The following TRPM3 variants were observed in gnomAD, a reference collection of about 807,000 sequenced individuals.
The protein encoded by TRPM3 is transient receptor potential cation channel subfamily M member 3.
TRPM3 carries 77 observed loss-of-function variants against 181.2 expected under a neutral mutation model. The observed-to-expected ratio is 0.42, with a 90% CI of 0.35 to 0.51. The LOEUF is 0.51. Among genes scored for constraint, TRPM3 ranks in the 20% least tolerant of loss-of-function variants. The pLI is 0.01. For missense variants in TRPM3, 1,759 were observed against 2,196.7 expected (o/e 0.80, Z 3.98); for synonymous variants, 745 against 796.4 (o/e 0.94, Z 1.09).
chr9:70,546,244 T>G (rs1308364786), intron 25 of TRPM3, among the ~76,000 whole-genome samples: 2 of 152,198 alleles, frequency 1.3e-5, no homozygotes, highest in Admixed American at 6.5e-5. Flanking sequence ...AAAGTATGGT[T>G]CCCAGACAAG....
intron 8 of TRPM3, among the ~76,000 whole-genome samples, chr9:70,757,357 A>G (rs2077263476): frequency 6.6e-6 from 1 of 152,232 alleles, no homozygotes; most frequent in Non-Finnish European, 1.5e-5. Flanking sequence ...CTACCAACCA[A>G]TAAAAGCCCA....
At chr9:70,974,398 G>T (rs988409456) in intron 1 of TRPM3, among the ~76,000 whole-genome samples, 1 of 114,808 alleles carries the variant, frequency 8.7e-6, no homozygotes, top group Non-Finnish European at 1.9e-5. Context: ...AATTAGCCGC[G>T]CGTGGTGGCG....
At chr9:71,272,226 A>G (rs139006895) in intron 1 of TRPM3, among the ~76,000 whole-genome samples, 35 of 152,336 alleles carry the variant, frequency 2.3e-4, no homozygotes, top group Admixed American at 1.2e-3. Context: ...TAAGACATCA[A>G]GAAAATAGAA....
intron 1 of TRPM3, among the ~76,000 whole-genome samples, chr9:71,420,795 GAA>G (rs1491579085): frequency 3.5e-3 from 45 of 12,822 alleles, no homozygotes; most frequent in Non-Finnish European, 5.3e-3. Context: ...GAAAGAGAGA[GAA>G]AGAAAGAGAG....
chr9:70,678,351 A>G (rs991053457), intron 9 of TRPM3, among the ~76,000 whole-genome samples: 1 of 151,954 alleles, frequency 6.6e-6, no homozygotes, highest in Non-Finnish European at 1.5e-5. Context: ...CACTGCAGCC[A>G]TAACCTCCTG....
intron 1 of TRPM3, among the ~76,000 whole-genome samples, chr9:70,960,680 G>A (rs557322687): frequency 6.6e-6 from 1 of 152,280 alleles, no homozygotes; most frequent in Non-Finnish European, 1.5e-5. Flanking sequence ...GTATTTACAA[G>A]CATAGCATGG....
intron 1 of TRPM3, among the ~76,000 whole-genome samples, chr9:71,185,670 T>C (rs1018047865): frequency 1.3e-5 from 2 of 152,060 alleles, no homozygotes; most frequent in African/African-American, 2.4e-5. Flanking sequence ...GTGCTATGTG[T>C]TTTATGTGTA....
At chr9:71,151,502 C>T (rs2075733437) in intron 1 of TRPM3, among the ~76,000 whole-genome samples, 6 of 151,906 alleles carry the variant, frequency 3.9e-5, no homozygotes, top group Admixed American at 3.9e-4. Context: ...TCTTGCACTC[C>T]TGGTGGGAAT....
chr9:71,398,934 T>C (rs1348769757), intron 1 of TRPM3, among the ~76,000 whole-genome samples: 2 of 152,180 alleles, frequency 1.3e-5, no homozygotes, highest in Non-Finnish European at 1.5e-5. Flanking sequence ...ATGAAAATTC[T>C]TTTTCATCTA....
At chr9:70,614,740 C>A (rs1463307608) in intron 18 of TRPM3, among the ~76,000 whole-genome samples, 1 of 152,148 alleles carries the variant, frequency 6.6e-6, no homozygotes, top group Non-Finnish European at 1.5e-5. Flanking sequence ...CAAGGTCACA[C>A]AGCAAGTAGG....
At chr9:70,639,220 C>T (rs377704611) in intron 10 of TRPM3, 26 bp from the exon 11 acceptor site, 26 of 1,612,318 alleles carry the variant, frequency 1.6e-5, no homozygotes, top group Non-Finnish European at 2.2e-5. Context: ...CTGAGTTAGT[C>T]TGCCCCAGGG....
intron 25 of TRPM3, among the ~76,000 whole-genome samples, chr9:70,538,599 T>C (rs976724954): frequency 6.6e-5 from 10 of 151,704 alleles, no homozygotes; most frequent in Admixed American, 3.3e-4. Context: ...AGCTGTTTTT[T>C]AAATTTTTTG....
chr9:70,538,259 C>T (rs2042291306), intron 25 of TRPM3, among the ~76,000 whole-genome samples: 1 of 152,168 alleles, frequency 6.6e-6, no homozygotes, highest in Non-Finnish European at 1.5e-5. Flanking sequence ...ACTCTCTATC[C>T]TCCCATTGGA....
intron 1 of TRPM3, among the ~76,000 whole-genome samples, chr9:71,000,905 A>G (rs2097592213): frequency 1.3e-5 from 2 of 152,224 alleles, no homozygotes; most frequent in South Asian, 2.1e-4. Flanking sequence ...GAAGGAACTG[A>G]TATTAGTCTG....
chr9:70,887,206 A>T (rs1216937951), intron 1 of TRPM3, among the ~76,000 whole-genome samples: 1 of 152,156 alleles, frequency 6.6e-6, no homozygotes, highest in Non-Finnish European at 1.5e-5. Flanking sequence ...AGTTCCAGCC[A>T]TCTAGTTTAG....
intron 3 of TRPM3, 95 bp downstream of exon 3, chr9:70,862,813 G>A: frequency 7.9e-7 from 1 of 1,272,138 alleles, no homozygotes. Flanking sequence ...GTGGAGATTA[G>A]GCCCAAAGAC....
chr9:71,378,431 T>C (rs1007143669), intron 1 of TRPM3, among the ~76,000 whole-genome samples: 4 of 152,128 alleles, frequency 2.6e-5, no homozygotes, highest in African/African-American at 4.8e-5. Context: ...TCAACTGTCA[T>C]ATTCCTTATC....
chr9:70,915,473 T>TG (rs2096583627), intron 1 of TRPM3, among the ~76,000 whole-genome samples: 1 of 143,872 alleles, frequency 7.0e-6, no homozygotes, highest in South Asian at 2.1e-4. Flanking sequence ...AATTTTTTTT[T>TG]TTTTTTTATT....
intron 1 of TRPM3, among the ~76,000 whole-genome samples, chr9:71,198,484 T>G (rs2078545252): frequency 1.3e-5 from 2 of 152,252 alleles, no homozygotes; most frequent in Admixed American, 1.3e-4. Flanking sequence ...CTTCATGATA[T>G]TGATTCTTCC....
Sources: gnomAD v4.1 joint callset for allele counts (sites outside exome capture counted in the v4.1 genomes callset) on GRCh38, gnomAD v4.1.1 for gene constraint, MANE v1.5 for transcripts, NCBI Gene and HGNC (gene_info 2026-07-23, HGNC 2026-07-21) for gene names.